Variants in DHX57 observed in about 807,000 individuals in gnomAD.
DHX57 encodes putative ATP-dependent RNA helicase DHX57.
Under a neutral mutation model 156.2 loss-of-function variants are expected in DHX57, and 105 were observed. The observed-to-expected ratio is 0.67, with a 90% CI of 0.57 to 0.79. The LOEUF is 0.79. Among genes scored for constraint, DHX57 ranks in the 30% least tolerant of loss-of-function variants. The pLI, the probability that DHX57 is intolerant of heterozygous loss-of-function variation, is 0.00. For synonymous variants in DHX57, 704 were observed against 595.6 expected, an observed-to-expected ratio of 1.18 and a Z score of -2.65; for missense variants, 1,847 against 1,661.9, an observed-to-expected ratio of 1.11 and a Z score of -1.94.
chr2:38,806,375 A>T, intron 22 of DHX57, 184 bp downstream of exon 22: 1 of 620,750 alleles, frequency 1.6e-6, no homozygotes, highest in South Asian at 3.6e-5. Flanking sequence ...AATTTTCTTC[A>T]AATGGAAATA....
intron 3 of DHX57, 61 bp downstream of exon 3, chr2:38,863,300 A>G: frequency 1.3e-6 from 2 of 1,530,500 alleles, no homozygotes; most frequent in South Asian, 2.5e-5. Flanking sequence ...GATGCACAGG[A>G]CCTTCACACT....
At chr2:38,817,568 G>A (rs777817775) in intron 19 of DHX57, among the ~76,000 whole-genome samples, 1 of 152,050 alleles carries the variant, frequency 6.6e-6, no homozygotes, top group Non-Finnish European at 1.5e-5. Context: ...TGCCTCCCTC[G>A]GCCTTCCAAA....
At chr2:38,810,660 G>C (rs1282674482) in intron 21 of DHX57, 8 of 679,182 alleles carry the variant, frequency 1.2e-5, no homozygotes, top group Non-Finnish European at 5.5e-6. Flanking sequence ...CCTGGGACTT[G>C]GCAATGCAGT....
Position 38,854,172 on chromosome 2 carries a change from CTGAGGACTTACACA to C in DHX57, c.1906-8_1911del. The C allele has an allele frequency of 1.2e-6, 2 of 1,613,480 alleles. No homozygotes were observed. The highest frequency in any genetic ancestry group is 1.7e-6 in the Non-Finnish European group (2 of 1,179,742). On this transcript the variant is annotated splice_acceptor_variant and splice_polypyrimidine_tract_variant and coding_sequence_variant and intron_variant, in exon 9 of 24. Transcript: ENST00000457308. LOFTEE classifies it high-confidence loss of function. ...GTGGTGCAGTATAACAGTCTGGTGG[CTGAGGACTTACACA>C]TGAAAGGGCAATATAAATCATTAAT...
At chr2:38,829,960 T>C (rs906485121) in intron 13 of DHX57, among the ~76,000 whole-genome samples, 2 of 152,158 alleles carry the variant, frequency 1.3e-5, no homozygotes, top group Non-Finnish European at 2.9e-5. Flanking sequence ...GCATGAAAAC[T>C]GATTATAGTA....
chr2:38,870,582 T>C (rs1298422600), intron 1 of DHX57, among the ~76,000 whole-genome samples: 1 of 152,058 alleles, frequency 6.6e-6, no homozygotes, highest in East Asian at 1.9e-4. Flanking sequence ...TTTAAAATAC[T>C]CAAAGAAAAA....
In DHX57 at chr2:38,858,806, T is replaced by A. The variant is rs528277211; in HGVS notation, c.1442A>T (p.Asp481Val). 1.2e-6 allele frequency: 2 copies of A among 1,612,592 alleles called. No homozygotes were observed. The highest frequency in any genetic ancestry group is 2.2e-5 in the South Asian group (2 of 90,518). The change falls in exon 6 of 24, where the codon GAT becomes GTT. Residue 481 changes from aspartate to valine, a missense_variant. Asp to Val is a radical substitution (Grantham distance 152). Transcript: ENST00000457308. ...AACAGGTGCAGGACCGTCATCCTCATCTGACTCCTCAGATTCTGATGCTTT... is the reference window on the plus strand; with the variant it reads ...AACAGGTGCAGGACCGTCATCCTCAACTGACTCCTCAGATTCTGATGCTTT... Reference protein sequence around the residue: ...VEKASESEESDEDDGPAPVIV... With the variant: ...VEKASESEESVEDDGPAPVIV...
At chr2:38,848,072 G>A (rs1348052938) in intron 10 of DHX57, among the ~76,000 whole-genome samples, 197 bp downstream of exon 10, 1 of 151,018 alleles carries the variant, frequency 6.6e-6, no homozygotes, top group Non-Finnish European at 1.5e-5. Context: ...GACAGAGCGA[G>A]ACTCTGTCTC....
chr2:38,851,934 AT>A (rs1398698966), intron 9 of DHX57, among the ~76,000 whole-genome samples: 1 of 151,760 alleles, frequency 6.6e-6, no homozygotes, highest in Non-Finnish European at 1.5e-5. Context: ...TTTACCATTA[AT>A]TTTTTTTCCC....
chr2:38,838,472 G>A (rs1016342259), intron 12 of DHX57, among the ~76,000 whole-genome samples: 4 of 152,074 alleles, frequency 2.6e-5, no homozygotes, highest in Admixed American at 6.6e-5. Flanking sequence ...CAAAAAGCAG[G>A]CTCCTGCCCC....
Position 38,798,351 on chromosome 2 carries a change from G to A in DHX57, c.4109C>T (p.Pro1370Leu). The change falls in exon 24 of 24, where the codon CCT (proline) becomes CTT (leucine). Residue 1370 changes from proline (P) to leucine (L), a missense_variant. Pro to Leu is a moderately conservative substitution (Grantham distance 98). Coordinates refer to ENST00000457308, the MANE Select transcript of DHX57 (RefSeq NM_198963.3). ...KNPSIDLCTC[P>L]RGSRIISTIV... ...TGTGCTGATGATCCGGGATCCTCGA[G>A]GACACGTACACAGATCAATGCTTGG... 1 of 1,613,756 alleles carries A rather than the reference G, an allele frequency of 6.2e-7. No homozygotes were observed. The highest frequency in any genetic ancestry group is 8.5e-7 in the Non-Finnish European group (1 of 1,179,906).
Position 38,814,022 on chromosome 2 carries a change from C to T in DHX57, c.3607-127G>A, listed in dbSNP as rs537571375. 185 of 974,650 alleles carry T rather than the reference C, an allele frequency of 1.9e-4. 7 individuals carry two copies. In the South Asian group the frequency reaches 2.5e-3, roughly 13 times the overall value. 60.4% of individuals were successfully genotyped at this position (974,650 alleles called of 1,614,324 possible). ...GCGCCATCTCAGCTTACTGCAACCT[C>T]CGCCTCCCAGGTTCAAGCGATTCTC... On this transcript the variant is annotated intron_variant, in intron 20 of 23. Coordinates refer to ENST00000457308, the MANE Select transcript of DHX57 (RefSeq NM_198963.3).
intron 23 of DHX57, among the ~76,000 whole-genome samples, chr2:38,801,410 C>CTATT (rs35148600): frequency 0.35 from 52,348 of 149,014 alleles, 9,362 homozygotes; most frequent in Non-Finnish European, 0.38. Flanking sequence ...ATCTATCTAT[C>CTATT]TATTTATTTA....
chr2:38,806,563 T>G lies in DHX57; in HGVS notation c.3812A>C (p.Tyr1271Ser), dbSNP rs748324367. 2 of 1,613,990 alleles carry G rather than the reference T, an allele frequency of 1.2e-6. No individual in the cohort carries two copies. Among genetic ancestry groups the G allele is most frequent in the East Asian group, 4.5e-5 (2 of 44,870 alleles). Reference sequence around the variant, plus strand: ...AGTATACTCCACCATTCTGACCTGATAGTTCACTGATGAAGGGTGAATGTG... The same window carrying G: ...AGTATACTCCACCATTCTGACCTGAGAGTTCACTGATGAAGGGTGAATGTG... ...YVHIHPSSVN[Y>S]QVRHFDSPYL... The change falls in exon 22 of 24, where the codon TAT (tyrosine) becomes TCT (serine). Residue 1271 changes from tyrosine to serine, a missense_variant. Physicochemically the swap from Tyr to Ser is moderately radical, Grantham distance 144. Coordinates refer to ENST00000457308, the MANE Select transcript of DHX57 (RefSeq NM_198963.3).
chr2:38,860,421 C>G (rs1029798507), intron 5 of DHX57, among the ~76,000 whole-genome samples: 3 of 152,092 alleles, frequency 2.0e-5, no homozygotes, highest in Admixed American at 6.5e-5. Flanking sequence ...TGCACTCCAG[C>G]TTGGGGGACA....
Position 38,861,640 on chromosome 2 carries a change from G to A in DHX57, c.770C>T (p.Ser257Phe), listed in dbSNP as rs1558402962. The A allele has an allele frequency of 1.2e-6, 2 of 1,614,144 alleles. No homozygotes were observed. Among genetic ancestry groups the A allele is most frequent in the South Asian group, 1.1e-5 (1 of 91,070 alleles). Residue 257 changes from serine to phenylalanine, a missense_variant, in exon 5 of 24, where the codon TCC (serine) becomes TTC (phenylalanine). Physicochemically the swap from Ser to Phe is radical, Grantham distance 155. Coordinates refer to ENST00000457308, the MANE Select transcript of DHX57 (RefSeq NM_198963.3). Reference sequence around the variant, plus strand: ...TTCTATAAATTTTTCTCCACAGATGGACTTGAGAGCAAATGCCTCTTCCTG... The same window carrying A: ...TTCTATAAATTTTTCTCCACAGATGAACTTGAGAGCAAATGCCTCTTCCTG... ...QRQEEAFALKSICGEKFIERI... is the reference protein window; with the variant it reads ...QRQEEAFALKFICGEKFIERI...
chr2:38,801,191 G>C (rs910022435), intron 23 of DHX57, among the ~76,000 whole-genome samples: 2 of 152,114 alleles, frequency 1.3e-5, no homozygotes, highest in African/African-American at 2.4e-5. Context: ...TGGCATATCT[G>C]CTTCTTGTAA....
At chr2:38,847,774 C>T (rs1350267160) in intron 10 of DHX57, among the ~76,000 whole-genome samples, 1 of 151,932 alleles carries the variant, frequency 6.6e-6, no homozygotes, top group African/African-American at 2.4e-5. Context: ...TTAAAAGTCC[C>T]CTAAAAAAAT....
At position 38,837,946 on chromosome 2, in the gene DHX57, C is replaced by T; in HGVS notation, c.2427G>A (p.Gly809=). 2.5e-6 allele frequency: 4 copies of T among 1,596,844 alleles called. No homozygotes were observed. Among genetic ancestry groups the T allele is most frequent in the Non-Finnish European group, 3.4e-6 (4 of 1,164,860 alleles). The change falls in exon 13 of 24, where the codon GGG becomes GGA. Residue 809 remains glycine, a splice_region_variant and synonymous_variant. Transcript: ENST00000457308. ...DFKQLLARYK[G]VSKSVIKTMS... is the part of the protein sequence containing the mutation. ...TTGTTTTGATGACTGACTTGCTAAC[C>T]CCTGAAAGAAAGAAAGGTAAAAATG... is the stretch of plus-strand genomic sequence containing the variant.
Sources: allele counts gnomAD v4.1 joint callset (sites outside exome capture counted in the v4.1 genomes callset), GRCh38; gene constraint gnomAD v4.1.1; transcripts MANE v1.5; gene names NCBI Gene and HGNC (gene_info 2026-07-23, HGNC 2026-07-21).